The following SERINC5 variants were observed in gnomAD, a reference collection of about 807,000 sequenced individuals.
SERINC5 encodes the protein serine incorporator 5.
A neutral mutation model predicts 63.1 loss-of-function variants in SERINC5; 41 were observed. The observed-to-expected ratio is 0.65, with a 90% CI of 0.51 to 0.84. SERINC5 has a LOEUF of 0.84. SERINC5 is among the 40% of genes least tolerant of loss of function. The pLI is 0.00. For missense variants in SERINC5, 523 were observed against 573.0 expected (o/e 0.91, Z 0.89); for synonymous variants, 222 against 215.2 (o/e 1.03, Z -0.28).
At chr5:80,242,374 T>C (rs1751977861) in intron 1 of SERINC5, among the ~76,000 whole-genome samples, 2 of 152,124 alleles carry the variant, frequency 1.3e-5, no homozygotes. Context: ...TCCCAGCACT[T>C]TGGGAGGCCA....
intron 11 of SERINC5, among the ~76,000 whole-genome samples, chr5:80,132,571 T>A (rs1186547499): frequency 6.6e-6 from 1 of 151,900 alleles, no homozygotes; most frequent in Non-Finnish European, 1.5e-5. Flanking sequence ...CCAAATAAAC[T>A]CTTTACCTAT....
At chr5:80,239,394 T>C (rs1751851091) in intron 1 of SERINC5, among the ~76,000 whole-genome samples, 1 of 99,018 alleles carries the variant, frequency 1.0e-5, no homozygotes, top group African/African-American at 4.1e-5. Context: ...AAATTTCTCA[T>C]ACCCAGAGGC....
downstream of SERINC5, among the ~76,000 whole-genome samples, chr5:80,136,165 C>T (rs1213182786): frequency 6.6e-6 from 1 of 152,050 alleles, no homozygotes; most frequent in East Asian, 1.9e-4. Context: ...GAGTTGTAGG[C>T]CCAAGCCCTC....
chr5:80,158,136 G>GT (rs1746658143), intron 8 of SERINC5: 1 of 152,188 alleles, frequency 6.6e-6, no homozygotes, highest in South Asian at 2.1e-4. Context: ...GGGAAGCTTA[G>GT]TTATCAGCGA....
In SERINC5 at chr5:80,189,512, G is replaced by C. The variant is rs1413312836; in HGVS notation, c.196-11448C>G. On this transcript the variant is annotated intron_variant, in intron 2 of 11. Coordinates refer to ENST00000507668, the MANE Select transcript of SERINC5 (RefSeq NM_001174072.3). ...GAAAATACGGCTATGGCCCCACACAGAATACAGGGTCTAACAGAAGACACT... is the reference window on the plus strand; with the variant it reads ...GAAAATACGGCTATGGCCCCACACACAATACAGGGTCTAACAGAAGACACT... Among the ~76,000 whole-genome samples the C allele has an allele frequency of 3.3e-5, 5 of 152,312 alleles. No individual in the cohort carries two copies. In the South Asian group the frequency reaches 1.0e-3, roughly 32 times the overall value.
At chr5:80,179,075 G>A (rs1748245717) in intron 2 of SERINC5, among the ~76,000 whole-genome samples, 1 of 152,148 alleles carries the variant, frequency 6.6e-6, no homozygotes, top group South Asian at 2.1e-4. Flanking sequence ...CGAGGTGGGT[G>A]GATCACCTGA....
chr5:80,182,615 G>A (rs998415243), intron 2 of SERINC5, among the ~76,000 whole-genome samples: 7 of 144,260 alleles, frequency 4.9e-5, no homozygotes, highest in African/African-American at 7.7e-5. Flanking sequence ...GCGCAATCTC[G>A]CCTCACTGCA....
intron 8 of SERINC5, among the ~76,000 whole-genome samples, chr5:80,155,593 A>G (rs1205654889): frequency 6.7e-6 from 1 of 148,772 alleles, no homozygotes. Context: ...AGGAAGAAAG[A>G]AGGAGAGAGA....
At chr5:80,125,686 G>T (rs1392672676) in intron 11 of SERINC5, among the ~76,000 whole-genome samples, 1 of 152,282 alleles carries the variant, frequency 6.6e-6, no homozygotes, top group East Asian at 1.9e-4. Context: ...GGGGACGTCC[G>T]ATGATGGGAA....
At chr5:80,130,217 T>A (rs1028744715) in intron 11 of SERINC5, among the ~76,000 whole-genome samples, 9 of 151,906 alleles carry the variant, frequency 5.9e-5, no homozygotes, top group African/African-American at 2.2e-4. Context: ...CCAACTCTAC[T>A]AAAAATACAA....
At chr5:80,137,778 T>TA (rs535460795), downstream of SERINC5, among the ~76,000 whole-genome samples, 1,116 of 150,102 alleles carry the variant, frequency 7.4e-3, 16 homozygotes, top group African/African-American at 0.026. Context: ...CCTATCTGTA[T>TA]AAAAAATACA....
chr5:80,209,316 C>T (rs1458197415), intron 1 of SERINC5, among the ~76,000 whole-genome samples: 1 of 151,938 alleles, frequency 6.6e-6, no homozygotes, highest in Non-Finnish European at 1.5e-5. Context: ...TGGGGTGGTC[C>T]CTAATCCAAC....
intron 1 of SERINC5, among the ~76,000 whole-genome samples, chr5:80,218,427 C>G (rs750930882): frequency 1.5e-4 from 23 of 152,264 alleles, no homozygotes; most frequent in Admixed American, 7.9e-4. Flanking sequence ...GTAATCCCAG[C>G]TACATGAGAG....
In SERINC5 at chr5:80,141,499, G is replaced by A; in HGVS notation, c.*2164C>T. 1 of 985,562 alleles carries A rather than the reference G, an allele frequency of 1.0e-6. No homozygotes were observed. Among genetic ancestry groups the A allele is most frequent in the South Asian group, 4.7e-5 (1 of 21,286 alleles). 61.1% of individuals were successfully genotyped at this position (985,562 alleles called of 1,614,324 possible). A position where few individuals can be genotyped will look rare whatever the true frequency, so the allele number is the denominator to read the frequency against. On this transcript the variant is annotated 3_prime_UTR_variant, in exon 12 of 12. Transcript: ENST00000507668. ...TCACACCAGCTGGCAGCCAGACCCA[G>A]CCGAGAGGACAAAGCAAGGGCTCTG... is the stretch of plus-strand genomic sequence containing the variant.
downstream of SERINC5, among the ~76,000 whole-genome samples, chr5:80,134,377 T>C (rs766735903): frequency 1.2e-4 from 19 of 152,228 alleles, no homozygotes; most frequent in Admixed American, 6.5e-5. Context: ...TCCCAGCTAC[T>C]CAGGAGGCTG....
chr5:80,254,501 G>A (rs1298691175), intron 1 of SERINC5, among the ~76,000 whole-genome samples: 1 of 152,146 alleles, frequency 6.6e-6, no homozygotes, highest in Admixed American at 6.6e-5. Flanking sequence ...AGAGCCTCAA[G>A]GGGACTTCAA....
intron 1 of SERINC5, among the ~76,000 whole-genome samples, chr5:80,204,442 G>C (rs188111363): frequency 1.7e-4 from 26 of 152,260 alleles, no homozygotes; most frequent in Non-Finnish European, 3.1e-4. Flanking sequence ...TATTCACCCA[G>C]GTCTTCTGTA....
intron 1 of SERINC5, among the ~76,000 whole-genome samples, chr5:80,211,106 G>C (rs1204133068): frequency 6.6e-6 from 1 of 152,166 alleles, no homozygotes; most frequent in Non-Finnish European, 1.5e-5. Flanking sequence ...ACTGCAACAG[G>C]CAAGCATGAT....
intron 11 of SERINC5, among the ~76,000 whole-genome samples, chr5:80,121,102 GTCCCGAACTCCCAACC>G: frequency 6.6e-6 from 1 of 152,206 alleles, no homozygotes; most frequent in Admixed American, 6.5e-5. Flanking sequence ...GGTCAGGCTG[GTCCCGAACTCCCAACC>G]TCAGGTGATC....
Sources: gnomAD v4.1 joint callset for allele counts (sites outside exome capture counted in the v4.1 genomes callset) on GRCh38, gnomAD v4.1.1 for gene constraint, MANE v1.5 for transcripts, NCBI Gene and HGNC (gene_info 2026-07-23, HGNC 2026-07-21) for gene names.